CACNA2D3: variants seen among roughly 807,000 people sequenced by gnomAD.
CACNA2D3 encodes calcium voltage-gated channel auxiliary subunit alpha2delta 3, also known as voltage-dependent calcium channel subunit alpha-2/delta-3.
In CACNA2D3, 60 loss-of-function variants were observed where a neutral mutation model predicts 160.6. That is an observed-to-expected ratio of 0.37 (90% CI 0.30 to 0.46). The LOEUF is 0.46. Ranked by LOEUF, CACNA2D3 falls within the 20% of genes least tolerant of loss-of-function variation. The pLI, the probability that CACNA2D3 is intolerant of heterozygous loss-of-function variation, is 1.00. For missense variants in CACNA2D3, 1,205 were observed against 1,365.0 expected (o/e 0.88, Z 1.85); for synonymous variants, 558 against 492.9 (o/e 1.13, Z -1.75).
chr3:54,684,106 C>T (rs376793084), intron 11 of CACNA2D3, among the ~76,000 whole-genome samples: 21 of 151,456 alleles, frequency 1.4e-4, no homozygotes, highest in African/African-American at 4.9e-4. Flanking sequence ...GAGTAGCACA[C>T]GCCGCAACCA....
At chr3:54,849,375 T>C (rs1320835643) in intron 17 of CACNA2D3, among the ~76,000 whole-genome samples, 1 of 152,180 alleles carries the variant, frequency 6.6e-6, no homozygotes, top group Non-Finnish European at 1.5e-5. Flanking sequence ...TTATCCCTGC[T>C]TTCCCCCTCC....
intron 27 of CACNA2D3, among the ~76,000 whole-genome samples, chr3:54,943,406 G>A (rs1466119110): frequency 6.6e-6 from 1 of 151,992 alleles, no homozygotes; most frequent in Non-Finnish European, 1.5e-5. Flanking sequence ...TTTAATACAT[G>A]GTGCTTTGGA....
At chr3:54,884,032 G>T (rs1435812409) in intron 21 of CACNA2D3, among the ~76,000 whole-genome samples, 1 of 152,056 alleles carries the variant, frequency 6.6e-6, no homozygotes, top group Non-Finnish European at 1.5e-5. Context: ...TCAGGGCCTA[G>T]AATCATACCT....
intron 11 of CACNA2D3, among the ~76,000 whole-genome samples, chr3:54,730,272 C>G (rs948897801): frequency 5.9e-5 from 9 of 152,136 alleles, no homozygotes; most frequent in Admixed American, 5.9e-4. Flanking sequence ...AGAATCCACC[C>G]TGGTGGCACC....
intron 11 of CACNA2D3, among the ~76,000 whole-genome samples, chr3:54,649,631 C>G (rs1422729599): frequency 6.6e-6 from 1 of 152,178 alleles, no homozygotes; most frequent in East Asian, 1.9e-4. Flanking sequence ...GTATCCTCAC[C>G]TGGCATTGAG....
intron 3 of CACNA2D3, among the ~76,000 whole-genome samples, chr3:54,367,387 G>A (rs1391858257): frequency 3.3e-5 from 5 of 152,164 alleles, no homozygotes; most frequent in Non-Finnish European, 5.9e-5. Flanking sequence ...AAATGTCCCT[G>A]TCTTGTTTCA....
At chr3:54,554,535 T>C (rs1702209907) in intron 5 of CACNA2D3, among the ~76,000 whole-genome samples, 1 of 152,164 alleles carries the variant, frequency 6.6e-6, no homozygotes, top group African/African-American at 2.4e-5. Flanking sequence ...TCCACTGTTC[T>C]GGGACTAGTG....
intron 3 of CACNA2D3, among the ~76,000 whole-genome samples, chr3:54,364,754 G>A (rs1698800509): frequency 6.6e-6 from 1 of 152,168 alleles, no homozygotes; most frequent in African/African-American, 2.4e-5. Context: ...GACTGTACTT[G>A]TTCCAAACTA....
chr3:55,057,835 C>T (rs1200590568), intron 35 of CACNA2D3, among the ~76,000 whole-genome samples: 1 of 152,044 alleles, frequency 6.6e-6, no homozygotes, highest in Non-Finnish European at 1.5e-5. Context: ...GAGAATAGTT[C>T]TGATTTTTCT....
chr3:54,708,396 C>A (rs528414303), intron 11 of CACNA2D3, among the ~76,000 whole-genome samples: 2 of 152,228 alleles, frequency 1.3e-5, no homozygotes, highest in South Asian at 2.1e-4. Context: ...GCTGTGTGGC[C>A]CACTCTGTAG....
chr3:54,647,413 G>A (rs149400671), intron 11 of CACNA2D3, among the ~76,000 whole-genome samples: 1 of 152,318 alleles, frequency 6.6e-6, no homozygotes, highest in Non-Finnish European at 1.5e-5. Context: ...GATTCTATGG[G>A]TTAACTAGGT....
chr3:54,261,395 C>T (rs570289941), intron 2 of CACNA2D3, among the ~76,000 whole-genome samples: 2 of 152,300 alleles, frequency 1.3e-5, no homozygotes, highest in South Asian at 2.1e-4. Context: ...TATGTGTTTA[C>T]TATCTTCTTC....
chr3:54,694,355 ACT>A (rs1430030708), intron 11 of CACNA2D3, among the ~76,000 whole-genome samples: 3 of 152,184 alleles, frequency 2.0e-5, no homozygotes, highest in Admixed American at 2.0e-4. Flanking sequence ...GTGTAAATAC[ACT>A]CTATGGTGTT....
At chr3:54,628,140 G>A (rs1212586705) in intron 10 of CACNA2D3, among the ~76,000 whole-genome samples, 1 of 152,188 alleles carries the variant, frequency 6.6e-6, no homozygotes, top group Admixed American at 6.5e-5. Flanking sequence ...GTGGAGGCAG[G>A]AGAATGGTGT....
At chr3:54,809,468 G>A (rs1390409369) in intron 13 of CACNA2D3, among the ~76,000 whole-genome samples, 3 of 143,988 alleles carry the variant, frequency 2.1e-5, no homozygotes, top group African/African-American at 5.5e-5. Flanking sequence ...ACAGGCGCCC[G>A]CCACCGCGCC....
intron 13 of CACNA2D3, among the ~76,000 whole-genome samples, chr3:54,794,796 A>G (rs984606399): frequency 6.6e-5 from 10 of 151,928 alleles, no homozygotes; most frequent in African/African-American, 2.4e-4. Context: ...CCCTAAACCT[A>G]TGTGCCTTTA....
intron 28 of CACNA2D3, among the ~76,000 whole-genome samples, chr3:54,968,937 T>A (rs1034701638): frequency 4.6e-5 from 7 of 152,174 alleles, no homozygotes; most frequent in Non-Finnish European, 8.8e-5. Context: ...GTTCACAGGG[T>A]CTACCTTGGA....
chr3:54,546,631 C>T (rs929281648), intron 5 of CACNA2D3, among the ~76,000 whole-genome samples: 2 of 151,990 alleles, frequency 1.3e-5, no homozygotes, highest in Non-Finnish European at 2.9e-5. Context: ...GAAAATGACT[C>T]CTTGCTATAA....
chr3:54,999,037 C>T (rs544758483), intron 31 of CACNA2D3, among the ~76,000 whole-genome samples: 79 of 152,274 alleles, frequency 5.2e-4, no homozygotes, highest in Non-Finnish European at 9.9e-4. Flanking sequence ...TGAGCCACCG[C>T]GCCCGGCCAG....
Sources: allele counts gnomAD v4.1 joint callset (sites outside exome capture counted in the v4.1 genomes callset), GRCh38; gene constraint gnomAD v4.1.1; transcripts MANE v1.5; gene names NCBI Gene and HGNC (gene_info 2026-07-23, HGNC 2026-07-21).